CLEC16A: variants seen among roughly 807,000 people sequenced by gnomAD.
The protein encoded by CLEC16A is C-type lectin domain containing 16A, also known as protein CLEC16A.
In CLEC16A, 51 loss-of-function variants were observed where a neutral mutation model predicts 109.5. The observed-to-expected ratio is 0.47, with a 90% CI of 0.37 to 0.59. The LOEUF is 0.59. Among genes scored for constraint, CLEC16A ranks in the 20% least tolerant of loss-of-function variants. The pLI is 0.00. For missense variants in CLEC16A, 1,339 were observed against 1,394.0 expected, an observed-to-expected ratio of 0.96 and a Z score of 0.63; for synonymous variants, 673 against 564.2, an observed-to-expected ratio of 1.19 and a Z score of -2.73.
chr16:11,158,167 G>A (rs1396964486), intron 22 of CLEC16A, among the ~76,000 whole-genome samples: 2 of 152,208 alleles, frequency 1.3e-5, no homozygotes, highest in Admixed American at 1.3e-4. Context: ...TGTGTGCGAG[G>A]TCACAGGGCC....
At chr16:11,002,040 A>G (rs1596989675) in intron 10 of CLEC16A, among the ~76,000 whole-genome samples, 1 of 152,168 alleles carries the variant, frequency 6.6e-6, no homozygotes, top group Admixed American at 6.5e-5. Context: ...TAAAATTAAT[A>G]ATAATATCAG....
chr16:10,998,650 T>G (rs1166558884), intron 10 of CLEC16A, among the ~76,000 whole-genome samples: 1 of 152,152 alleles, frequency 6.6e-6, no homozygotes, highest in African/African-American at 2.4e-5. Context: ...TCCCCTTCTT[T>G]CCCTCCCTTC....
At chr16:11,133,572 G>T (rs1244622640) in intron 22 of CLEC16A, among the ~76,000 whole-genome samples, 1 of 152,140 alleles carries the variant, frequency 6.6e-6, no homozygotes, top group Non-Finnish European at 1.5e-5. Flanking sequence ...TGAGCTGACC[G>T]CAAAGCCTCT....
chr16:10,985,897 G>T (rs183821428), intron 10 of CLEC16A, among the ~76,000 whole-genome samples: 128 of 151,368 alleles, frequency 8.5e-4, no homozygotes, highest in South Asian at 7.5e-3. Flanking sequence ...GTAGAAATGG[G>T]CTTTCACCAT....
chr16:11,097,116 A>G (rs999833324), intron 19 of CLEC16A, among the ~76,000 whole-genome samples: 4 of 152,118 alleles, frequency 2.6e-5, no homozygotes, highest in Non-Finnish European at 5.9e-5. Context: ...CCTGTAGCTG[A>G]ATCTCTACAC....
chr16:11,050,355 G>T (rs1025435386), intron 17 of CLEC16A, among the ~76,000 whole-genome samples: 1 of 152,166 alleles, frequency 6.6e-6, no homozygotes, highest in African/African-American at 2.4e-5. Context: ...ATAGCACCAG[G>T]TATCTGGGCC....
intron 18 of CLEC16A, among the ~76,000 whole-genome samples, chr16:11,056,252 C>G (rs1300511437): frequency 6.6e-6 from 1 of 152,172 alleles, no homozygotes; most frequent in Admixed American, 6.5e-5. Flanking sequence ...CTTGAGCGAG[C>G]CACTCACCCT....
At chr16:11,018,031 G>C (rs535666332) in intron 11 of CLEC16A, among the ~76,000 whole-genome samples, 4 of 151,350 alleles carry the variant, frequency 2.6e-5, no homozygotes, top group Admixed American at 6.6e-5. Flanking sequence ...GGTGAAGGCC[G>C]GTGTGGTGGC....
intron 13 of CLEC16A, among the ~76,000 whole-genome samples, chr16:11,036,519 C>CTT (rs2047028192): frequency 1.4e-5 from 2 of 147,600 alleles, no homozygotes; most frequent in African/African-American, 5.0e-5. Flanking sequence ...AGGTTTTATC[C>CTT]TTGTGTTCTT....
intron 19 of CLEC16A, among the ~76,000 whole-genome samples, chr16:11,106,686 G>A (rs1223174859): frequency 6.6e-6 from 1 of 151,882 alleles, no homozygotes; most frequent in Non-Finnish European, 1.5e-5. Flanking sequence ...TTTCCTTAGA[G>A]GTGAGGAAGT....
chr16:11,007,855 C>T (rs1464212213), intron 11 of CLEC16A, among the ~76,000 whole-genome samples: 1 of 152,066 alleles, frequency 6.6e-6, no homozygotes, highest in Non-Finnish European at 1.5e-5. Context: ...GAAGAAGGAT[C>T]AGCAGGCCCA....
At chr16:10,982,744 G>T (rs1408715940) in intron 9 of CLEC16A, 134 bp from the exon 10 acceptor site, 1 of 593,240 alleles carries the variant, frequency 1.7e-6, no homozygotes, top group East Asian at 3.0e-5. Context: ...CTCATTCTTT[G>T]AATTTTGCAT....
intron 17 of CLEC16A, among the ~76,000 whole-genome samples, chr16:11,049,776 T>C (rs963822232): frequency 4.6e-5 from 7 of 152,168 alleles, no homozygotes; most frequent in African/African-American, 1.7e-4. Flanking sequence ...CCAGCAGGCC[T>C]GAGGGGTTCA....
intron 19 of CLEC16A, chr16:11,066,723 A>G (rs1243420000): frequency 2.6e-5 from 4 of 152,160 alleles, no homozygotes; most frequent in Non-Finnish European, 2.9e-5. Context: ...AGTGTGTTAG[A>G]TCATGTGGTG....
At chr16:11,132,038 C>G (rs1192846474) in intron 22 of CLEC16A, among the ~76,000 whole-genome samples, 2 of 152,206 alleles carry the variant, frequency 1.3e-5, no homozygotes, top group East Asian at 3.9e-4. Flanking sequence ...CCAGGTCACC[C>G]TAGTTCTCTG....
At chr16:11,046,127 C>T (rs1473945959) in intron 16 of CLEC16A, among the ~76,000 whole-genome samples, 2 of 152,162 alleles carry the variant, frequency 1.3e-5, no homozygotes, top group Non-Finnish European at 2.9e-5. Flanking sequence ...AACCTCTTTC[C>T]AGTATAACTG....
intron 22 of CLEC16A, among the ~76,000 whole-genome samples, chr16:11,129,131 A>G (rs1180914534): frequency 6.6e-6 from 1 of 151,976 alleles, no homozygotes; most frequent in Non-Finnish European, 1.5e-5. Flanking sequence ...CTAAGCTAGC[A>G]TTTCTCAGAG....
intron 11 of CLEC16A, among the ~76,000 whole-genome samples, chr16:11,004,327 G>A (rs754297684): frequency 2.0e-5 from 3 of 152,198 alleles, no homozygotes; most frequent in Non-Finnish European, 4.4e-5. Context: ...GGGGCTGGGG[G>A]CAGCGGGAAG....
chr16:11,120,672 G>A lies in CLEC16A; in HGVS notation c.2174G>A (p.Arg725Gln), dbSNP rs200931583. Residue 725 changes from arginine to glutamine, a missense_variant, in exon 20 of 24, where the codon CGA becomes CAA. This residue lies in a region of CLEC16A where 1,061 missense variants were observed against 1,006.8 expected (regional missense o/e 1.05). Transcript: ENST00000409790. ...ACCAAGGATGGCGGCATGGTCCAGC[G>A]ATTCCTGGCTGTGGATATTTACCAG... ...VITKDGGMVQ[R>Q]FLAVDIYQMS... 1.5e-5 allele frequency: 24 copies of A among 1,612,790 alleles called. No individual in the cohort carries two copies. Among genetic ancestry groups the A allele is most frequent in the South Asian group, 3.3e-5 (3 of 90,736 alleles).
Sources: gnomAD v4.1 joint callset for allele counts (sites outside exome capture counted in the v4.1 genomes callset) on GRCh38, gnomAD v4.1.1 for gene constraint, gnomAD v4.1.1 regional missense constraint, MANE v1.5 for transcripts, NCBI Gene and HGNC (gene_info 2026-07-23, HGNC 2026-07-21) for gene names.